PTPN9: variants seen among roughly 807,000 people sequenced by gnomAD.
The protein encoded by PTPN9 is tyrosine-protein phosphatase non-receptor type 9.
In PTPN9, 26 loss-of-function variants were observed where a neutral mutation model predicts 69.8. That is an observed-to-expected ratio of 0.37 (90% CI 0.27 to 0.52). The LOEUF (loss-of-function observed/expected upper bound fraction) is 0.52, where lower values mean the gene tolerates loss of function less well. Among genes scored for constraint, PTPN9 ranks in the 20% least tolerant of loss-of-function variants. The pLI, the probability that PTPN9 is intolerant of heterozygous loss-of-function variation, is 0.91. For missense variants in PTPN9, 549 were observed against 740.3 expected, an observed-to-expected ratio of 0.74 and a Z score of 3.00; for synonymous variants, 274 against 272.5, an observed-to-expected ratio of 1.01 and a Z score of -0.05.
chr15:75,531,284 T>A (rs1345337051), intron 1 of PTPN9, among the ~76,000 whole-genome samples: 4 of 151,948 alleles, frequency 2.6e-5, no homozygotes, highest in Admixed American at 2.6e-4. Context: ...TCAGGCAAAG[T>A]GCATGAAAAG....
intron 1 of PTPN9, among the ~76,000 whole-genome samples, chr15:75,569,285 A>G (rs1203612863): frequency 1.3e-5 from 2 of 152,188 alleles, no homozygotes; most frequent in Non-Finnish European, 2.9e-5. Context: ...GGGGCTTAAT[A>G]TTTAGAAAAT....
intron 2 of PTPN9, among the ~76,000 whole-genome samples, chr15:75,524,551 GCAGGTCACCTGAGGT>G (rs2074918979): frequency 1.3e-5 from 2 of 152,132 alleles, no homozygotes; most frequent in Non-Finnish European, 2.9e-5. Context: ...GCCAAGGCGG[GCAGGTCACCTGAGGT>G]CAGGAGTTCG....
chr15:75,470,075 C>T, intron 11 of PTPN9, 76 bp from the exon 12 acceptor site: 5 of 1,329,802 alleles, frequency 3.8e-6, no homozygotes, highest in Non-Finnish European at 5.3e-6. Flanking sequence ...TTTCCAGATT[C>T]TCAACACCCT....
intron 4 of PTPN9, among the ~76,000 whole-genome samples, chr15:75,520,958 G>C (rs2074902060): frequency 6.6e-6 from 1 of 151,780 alleles, no homozygotes; most frequent in Non-Finnish European, 1.5e-5. Context: ...GATCCTCCCA[G>C]TTCAGCCTTC....
chr15:75,571,278 CAA>C, intron 1 of PTPN9, among the ~76,000 whole-genome samples: 1 of 152,064 alleles, frequency 6.6e-6, no homozygotes, highest in Admixed American at 6.6e-5. Flanking sequence ...AAACAAAAAA[CAA>C]TGATGAATAT....
At chr15:75,473,547 C>T (rs1260111979) in intron 10 of PTPN9, 142 bp downstream of exon 10, 2 of 695,676 alleles carry the variant, frequency 2.9e-6, no homozygotes, top group Non-Finnish European at 4.9e-6. Context: ...GCCTTGGCCT[C>T]CCTAAGTGCT....
rs2074732955 is a variant in PTPN9 at position 75,495,217 on chromosome 15, A to C, written c.969-4916T>G. Among the ~76,000 whole-genome samples the C allele has an allele frequency of 2.6e-5, 4 of 152,264 alleles. No homozygotes were observed. The South Asian group carries it at 8.3e-4, about 32-fold the overall frequency. ...TACAATTAGGAAACAAGATCCAACA[A>C]AGGAAAGAGGGAAAACTGCAAGATA... On this transcript the variant is annotated intron_variant, in intron 7 of 12. Coordinates refer to ENST00000618819, the MANE Select transcript of PTPN9 (RefSeq NM_002833.4).
intron 1 of PTPN9, among the ~76,000 whole-genome samples, chr15:75,528,851 C>T (rs1335781297): frequency 2.6e-5 from 4 of 152,182 alleles, no homozygotes; most frequent in African/African-American, 9.6e-5. Context: ...CAGGTGCACA[C>T]CACCATGCCT....
chr15:75,545,403 T>C (rs1025657380), intron 1 of PTPN9, among the ~76,000 whole-genome samples: 15 of 151,626 alleles, frequency 9.9e-5, no homozygotes, highest in Non-Finnish European at 2.9e-5. Context: ...CCCCCCCATC[T>C]CTAGAAAAGA....
chr15:75,509,898 C>T (rs959938447), intron 5 of PTPN9, among the ~76,000 whole-genome samples: 18 of 152,182 alleles, frequency 1.2e-4, no homozygotes, highest in Non-Finnish European at 2.2e-4. Context: ...GCAGGAGAAT[C>T]GCTTGAACCC....
intron 1 of PTPN9, among the ~76,000 whole-genome samples, chr15:75,545,400 A>G (rs566893506): frequency 3.7e-4 from 56 of 152,104 alleles, no homozygotes; most frequent in Non-Finnish European, 6.5e-4. Context: ...AGACCCCCCC[A>G]TCTCTAGAAA....
chr15:75,476,206 A>G (rs1170579944), intron 9 of PTPN9, among the ~76,000 whole-genome samples: 2 of 152,212 alleles, frequency 1.3e-5, no homozygotes, highest in East Asian at 1.9e-4. Context: ...TACAGTCTAT[A>G]AAGTTGATGT....
chr15:75,552,612 C>T (rs76621678), intron 1 of PTPN9, among the ~76,000 whole-genome samples: 16,389 of 151,374 alleles, frequency 0.11, 1,259 homozygotes, highest in Non-Finnish European at 0.17. Flanking sequence ...AGCATGTTTG[C>T]GGCTCAGATA....
chr15:75,530,497 T>A (rs1173827871), intron 1 of PTPN9, among the ~76,000 whole-genome samples: 9 of 91,534 alleles, frequency 9.8e-5, no homozygotes, highest in Non-Finnish European at 1.6e-4. Flanking sequence ...TTATAATATA[T>A]TATATTATAA....
At chr15:75,488,950 C>T (rs933337381) in intron 8 of PTPN9, among the ~76,000 whole-genome samples, 2 of 151,820 alleles carry the variant, frequency 1.3e-5, no homozygotes, top group African/African-American at 4.8e-5. Context: ...CCGAGACGGG[C>T]GGATCACGAG....
chr15:75,559,783 A>AAAGAAG (rs1555457335), intron 1 of PTPN9, among the ~76,000 whole-genome samples: 16 of 142,544 alleles, frequency 1.1e-4, no homozygotes, highest in Non-Finnish European at 1.7e-4. Flanking sequence ...AAAAAAAAAA[A>AAAGAAG]AAGAAGAAAG....
At chr15:75,522,477 C>T (rs2141319929) in intron 4 of PTPN9, among the ~76,000 whole-genome samples, 1 of 152,092 alleles carries the variant, frequency 6.6e-6, no homozygotes, top group East Asian at 1.9e-4. Flanking sequence ...ACAGCTTCAC[C>T]ATTCTGGGCT....
At chr15:75,533,984 G>C (rs1486989517) in intron 1 of PTPN9, among the ~76,000 whole-genome samples, 1 of 152,076 alleles carries the variant, frequency 6.6e-6, no homozygotes, top group African/African-American at 2.4e-5. Flanking sequence ...ACCTGCTCTT[G>C]AAATAAACAA....
chr15:75,515,876 G>A lies in PTPN9; in HGVS notation c.528+1383C>T, dbSNP rs1595958573. ...CGCGCCACCGCACTCCAGCCTGGGC[G>A]ACAAGAGCAAGACTCCATCTCAAAA... On this transcript the variant is annotated intron_variant, in intron 5 of 12. Transcript: ENST00000618819. 4.6e-5 allele frequency among the ~76,000 whole-genome samples: 7 copies of A among 151,984 alleles called. No individual in the cohort carries two copies. The East Asian group carries it at 1.4e-3, about 29-fold the overall frequency.
Sources: gnomAD v4.1 joint callset for allele counts (sites outside exome capture counted in the v4.1 genomes callset) on GRCh38, gnomAD v4.1.1 for gene constraint, MANE v1.5 for transcripts, NCBI Gene and HGNC (gene_info 2026-07-23, HGNC 2026-07-21) for gene names.